The following CDH11 variants were observed in gnomAD, a reference collection of about 807,000 sequenced individuals.
The protein encoded by CDH11 is cadherin-11.
Under a neutral mutation model 67.8 loss-of-function variants are expected in CDH11, and 11 were observed. The observed-to-expected ratio is 0.16, with a 90% CI of 0.10 to 0.27. The LOEUF is 0.27. Ranked by LOEUF, CDH11 falls within the 10% of genes least tolerant of loss-of-function variation. The pLI is 1.00. For missense variants in CDH11, 847 were observed against 1,031.2 expected (o/e 0.82, Z 2.45); for synonymous variants, 419 against 400.0 (o/e 1.05, Z -0.57).
At chr16:64,973,725 GA>G (rs2072077525) in intron 8 of CDH11, among the ~76,000 whole-genome samples, 1 of 152,042 alleles carries the variant, frequency 6.6e-6, no homozygotes, top group Non-Finnish European at 1.5e-5. Flanking sequence ...GAGAATCATT[GA>G]ATCCGGGAAG....
chr16:65,053,550 T>C (rs2074093245), intron 2 of CDH11, among the ~76,000 whole-genome samples: 1 of 152,216 alleles, frequency 6.6e-6, no homozygotes, highest in African/African-American at 2.4e-5. Flanking sequence ...TTTAGTTCCT[T>C]CTTTCTCCTC....
At chr16:64,961,967 T>C (rs1328861586) in intron 11 of CDH11, among the ~76,000 whole-genome samples, 3 of 152,250 alleles carry the variant, frequency 2.0e-5, no homozygotes, top group African/African-American at 4.8e-5. Flanking sequence ...ATGATGAAAC[T>C]CAAGAACTAA....
chr16:64,977,003 G>A lies in CDH11; in HGVS notation c.1254-3963C>T, dbSNP rs147981695. On this transcript the variant is annotated intron_variant, in intron 8 of 12. Coordinates refer to ENST00000268603, the MANE Select transcript of CDH11 (RefSeq NM_001797.4). ...AGCCCAGGAGTTTGAGACCAGCATG[G>A]GCAACATAGTGAGAACCCCCTCTCT... Among the ~76,000 whole-genome samples, 342 of 152,078 alleles carry A rather than the reference G, an allele frequency of 2.2e-3. 3 individuals carry two copies. The highest frequency in any genetic ancestry group is 7.6e-3 in the African/African-American group (314 of 41,494).
At chr16:65,001,815 A>AC (rs1007217798) in intron 3 of CDH11, among the ~76,000 whole-genome samples, 4 of 151,644 alleles carry the variant, frequency 2.6e-5, no homozygotes, top group Non-Finnish European at 5.9e-5. Flanking sequence ...AAAAAAACAA[A>AC]AACCCAGTTT....
intron 12 of CDH11, chr16:64,948,725 A>T: frequency 6.2e-7 from 1 of 1,603,810 alleles, no homozygotes; most frequent in East Asian, 2.2e-5. Context: ...ATCAGCTGGA[A>T]GCCCAGATAA....
chr16:64,987,187 G>A (rs554741869), intron 7 of CDH11: 7 of 151,782 alleles, frequency 4.6e-5, no homozygotes, highest in South Asian at 2.1e-4. Flanking sequence ...GGTAAATCAC[G>A]GGGGGAAACC....
At chr16:64,966,387 T>C (rs2071828010) in intron 11 of CDH11, among the ~76,000 whole-genome samples, 1 of 151,860 alleles carries the variant, frequency 6.6e-6, no homozygotes, top group African/African-American at 2.4e-5. Flanking sequence ...TTCTAAATTA[T>C]ATCAGAAAGA....
At chr16:65,100,816 C>A (rs886476371) in intron 1 of CDH11, among the ~76,000 whole-genome samples, 2 of 151,816 alleles carry the variant, frequency 1.3e-5, no homozygotes, top group Admixed American at 6.6e-5. Flanking sequence ...AAGGGGGCAG[C>A]CAGGGGCATC....
intron 2 of CDH11, among the ~76,000 whole-genome samples, chr16:65,014,221 T>C (rs1031395069): frequency 6.6e-6 from 1 of 152,170 alleles, no homozygotes; most frequent in Non-Finnish European, 1.5e-5. Context: ...AATAGGTATA[T>C]GTGAGGAGAT....
chr16:65,099,708 A>G (rs372939520), intron 1 of CDH11, among the ~76,000 whole-genome samples: 90 of 152,322 alleles, frequency 5.9e-4, no homozygotes, highest in African/African-American at 2.0e-3. Flanking sequence ...ATGTAGAAAT[A>G]TAAAATTCAC....
intron 1 of CDH11, among the ~76,000 whole-genome samples, chr16:65,109,104 G>A (rs191035959): frequency 3.9e-5 from 6 of 152,136 alleles, no homozygotes; most frequent in Non-Finnish European, 7.4e-5. Context: ...CTGAGACAGC[G>A]CCACTCTACT....
chr16:64,977,803 GC>G (rs1292834104), intron 8 of CDH11, among the ~76,000 whole-genome samples: 9 of 152,196 alleles, frequency 5.9e-5, no homozygotes, highest in Non-Finnish European at 1.0e-4. Flanking sequence ...AGCAGTCATA[GC>G]CACAAAGGAT....
At chr16:65,012,256 A>G (rs1268302959) in intron 2 of CDH11, among the ~76,000 whole-genome samples, 2 of 152,200 alleles carry the variant, frequency 1.3e-5, no homozygotes, top group African/African-American at 2.4e-5. Flanking sequence ...ACAACTTCCA[A>G]TGCCTGGAGC....
chr16:65,048,421 T>C (rs1019419208), intron 2 of CDH11, among the ~76,000 whole-genome samples: 2 of 152,170 alleles, frequency 1.3e-5, no homozygotes, highest in African/African-American at 4.8e-5. Context: ...GAAATCATTA[T>C]ATCAAAACGG....
At chr16:65,014,598 G>A (rs141079372) in intron 2 of CDH11, among the ~76,000 whole-genome samples, 2 of 152,258 alleles carry the variant, frequency 1.3e-5, no homozygotes, top group African/African-American at 4.8e-5. Flanking sequence ...AGAGGAGGGT[G>A]TGTAGTCAAG....
chr16:64,996,714 G>A lies in CDH11; in HGVS notation c.523+1848C>T, dbSNP rs76392794. Among the ~76,000 whole-genome samples, 2,552 of 152,268 alleles carry A rather than the reference G, an allele frequency of 0.017. 111 individuals carry two copies. The East Asian group carries it at 0.17, about 10-fold the overall frequency. On this transcript the variant is annotated intron_variant, in intron 4 of 12. Coordinates refer to ENST00000268603, the MANE Select transcript of CDH11 (RefSeq NM_001797.4). ...GTACCATGGAATACTATGCATGGTG[G>A]CATGAATAATATCATGCCTTTGCAT...
At chr16:65,030,027 G>C (rs141439012) in intron 2 of CDH11, among the ~76,000 whole-genome samples, 1 of 152,116 alleles carries the variant, frequency 6.6e-6, no homozygotes, top group African/African-American at 2.4e-5. Context: ...TTTTCAAAAG[G>C]CACTTTGTGC....
intron 11 of CDH11, chr16:64,968,335 C>A (rs1283547119): frequency 1.8e-5 from 12 of 671,798 alleles, no homozygotes; most frequent in Non-Finnish European, 2.2e-5. Context: ...GATATTATCT[C>A]AGTCTTTTTT....
intron 1 of CDH11, among the ~76,000 whole-genome samples, chr16:65,115,243 C>T (rs915681609): frequency 2.4e-4 from 36 of 152,222 alleles, no homozygotes; most frequent in African/African-American, 8.2e-4. Flanking sequence ...CAGTAATTAT[C>T]TCTCAAATCT....
Sources: gnomAD v4.1 joint callset for allele counts (sites outside exome capture counted in the v4.1 genomes callset) on GRCh38, gnomAD v4.1.1 for gene constraint, MANE v1.5 for transcripts, NCBI Gene and HGNC (gene_info 2026-07-23, HGNC 2026-07-21) for gene names.